TJAP1: variants seen among roughly 807,000 people sequenced by gnomAD.
TJAP1 encodes the protein tight junction associated protein 1.
In TJAP1, 27 loss-of-function variants were observed where a neutral mutation model predicts 42.0. The ratio of observed to expected loss-of-function variants is 0.64; its 90% CI spans 0.47 to 0.89. The LOEUF (loss-of-function observed/expected upper bound fraction) is 0.89, where lower values mean the gene tolerates loss of function less well. TJAP1 is among the 40% of genes least tolerant of loss of function. The pLI is 0.00. For missense variants in TJAP1, 712 were observed against 726.9 expected, an observed-to-expected ratio of 0.98 and a Z score of 0.24; for synonymous variants, 257 against 288.4, an observed-to-expected ratio of 0.89 and a Z score of 1.10.
intron 5 of TJAP1, 74 bp downstream of exon 5, chr6:43,500,846 C>T: frequency 1.9e-6 from 3 of 1,560,788 alleles, no homozygotes; most frequent in Middle Eastern, 1.7e-4. Flanking sequence ...ACTGTTGGTA[C>T]AGTTGGACTT....
rs1788068457 is a variant in TJAP1 at position 43,492,682 on chromosome 6, T to C, written c.-121-5199T>C. Among the ~76,000 whole-genome samples the C allele has an allele frequency of 6.6e-6, 1 of 152,136 alleles. No individual in the cohort carries two copies. The highest frequency in any genetic ancestry group is 2.1e-4 in the South Asian group (1 of 4,824). On this transcript the variant is annotated intron_variant, in intron 2 of 10. Coordinates refer to ENST00000372449, the Ensembl canonical transcript of TJAP1. The surrounding 1 kb of genome is among the most constrained non-coding windows in gnomAD (Gnocchi z 4.2). ...GGGAGTCAGTGGGAGAGGGGCTGTA[T>C]TAATGGTGCAAGGAGTGGGGATCTT...
chr6:43,502,196 G>A (rs934276207), intron 6 of TJAP1, 87 bp from the exon 7 acceptor site: 2 of 1,383,292 alleles, frequency 1.4e-6, no homozygotes, highest in Admixed American at 1.8e-5. Flanking sequence ...AGAATGACAT[G>A]TTCAAGATCC....
chr6:43,498,774 C>T (rs1789831180), intron 3 of TJAP1: 3 of 492,850 alleles, frequency 6.1e-6, no homozygotes, highest in African/African-American at 2.0e-5. Context: ...CCGTTGGACC[C>T]ATGCCCCACC....
At chr6:43,487,384 G>A (rs1786772061) in intron 2 of TJAP1, among the ~76,000 whole-genome samples, 1 of 152,290 alleles carries the variant, frequency 6.6e-6, no homozygotes, top group African/African-American at 2.4e-5. Context: ...GCCCAAGTAG[G>A]GAACTGAATC....
intron 6 of TJAP1, among the ~76,000 whole-genome samples, chr6:43,502,070 A>ACTCTCTCTCT (rs1439125421): frequency 4.8e-5 from 6 of 123,942 alleles, no homozygotes; most frequent in African/African-American, 2.0e-4. Context: ...ACACACACAC[A>ACTCTCTCTCT]CACACACTCT....
At chr6:43,489,158 T>C (rs573219460) in intron 2 of TJAP1, among the ~76,000 whole-genome samples, 1 of 152,346 alleles carries the variant, frequency 6.6e-6, no homozygotes, top group African/African-American at 2.4e-5. Context: ...ATGCCACTGC[T>C]TTTGCCTCAT....
chr6:43,499,236 C>A, intron 4 of TJAP1, 136 bp downstream of exon 4: 1 of 1,361,290 alleles, frequency 7.3e-7, no homozygotes, highest in Non-Finnish European at 1.0e-6. Flanking sequence ...GGCCTGAGGT[C>A]TCCTAGCCGC....
intron 2 of TJAP1, among the ~76,000 whole-genome samples, chr6:43,488,294 G>T (rs545891458): frequency 2.6e-5 from 4 of 152,214 alleles, no homozygotes; most frequent in Admixed American, 6.5e-5. Flanking sequence ...TGTTGGAGCC[G>T]CTGAGGAGCC....
chr6:43,499,415 G>T (rs766742844), intron 4 of TJAP1, among the ~76,000 whole-genome samples: 1 of 152,226 alleles, frequency 6.6e-6, no homozygotes, highest in Non-Finnish European at 1.5e-5. Context: ...GCTAGTGGTT[G>T]GGACTCTGGT....
Position 43,491,289 on chromosome 6 carries a change from G to GT in TJAP1, c.-121-6585dup, listed in dbSNP as rs941728405. ...CCATGTTGACCAGAAATATCTGTTT[G>GT]TTTTTTTGGGTTTTTTTTGAGACAG... On this transcript the variant is annotated intron_variant, in intron 2 of 10. Coordinates refer to ENST00000372449, the Ensembl canonical transcript of TJAP1. The surrounding 1 kb of genome is among the most constrained non-coding windows in gnomAD (Gnocchi z 4.6). Among the ~76,000 whole-genome samples, 4 of 152,042 alleles carry GT rather than the reference G, an allele frequency of 2.6e-5. No homozygotes were observed. Among genetic ancestry groups the GT allele is most frequent in the Admixed American group, 2.0e-4 (3 of 15,260 alleles).
chr6:43,490,224 C>T (rs1390111103), intron 2 of TJAP1, among the ~76,000 whole-genome samples: 3 of 152,264 alleles, frequency 2.0e-5, no homozygotes, highest in Non-Finnish European at 2.9e-5. Context: ...GCCCCCTTCA[C>T]GGCCACCTGC....
intron 2 of TJAP1, among the ~76,000 whole-genome samples, chr6:43,482,184 C>T (rs1417559732): frequency 1.3e-5 from 2 of 152,126 alleles, no homozygotes; most frequent in South Asian, 4.1e-4. Context: ...CTTTGGTAGA[C>T]GTCCTCAAAT....
Position 43,505,514 on chromosome 6 carries a change from CAT to C in TJAP1, c.1334_1335del (p.His445LeufsTer4). ...CGATGCCCTCCCTGAGCTGCAGCGC[CAT>C]TTTGCCCATAGCCCCGCTGACAGAG... is the stretch of plus-strand genomic sequence containing the variant. On this transcript the variant is annotated frameshift_variant, in exon 11 of 11. Transcript: ENST00000372449. LOFTEE classifies it low-confidence loss of function (END_TRUNC). The surrounding 1 kb of genome is among the most constrained non-coding windows in gnomAD (Gnocchi z 5.5). The C allele has an allele frequency of 6.2e-7, 1 of 1,613,950 alleles. No individual in the cohort carries two copies. Among genetic ancestry groups the C allele is most frequent in the Non-Finnish European group, 8.5e-7 (1 of 1,180,036 alleles).
In TJAP1 at chr6:43,505,952, C is replaced by T; in HGVS notation, c.*97C>T. On this transcript the variant is annotated 3_prime_UTR_variant, in exon 11 of 11. Transcript: ENST00000372449. The surrounding 1 kb of genome is among the most constrained non-coding windows in gnomAD (Gnocchi z 5.5). ...TCCCCAGTCCAAGCCCTTGACCTCT[C>T]CTCTATCCAGACCCGCACAGCTGTT... The T allele has an allele frequency of 6.1e-6, 8 of 1,319,176 alleles. No individual in the cohort carries two copies. The highest frequency in any genetic ancestry group is 2.7e-4 in the Middle Eastern group (1 of 3,694). 81.7% of individuals were successfully genotyped at this position (1,319,176 alleles called of 1,614,324 possible).
At chr6:43,489,778 G>T (rs559086984) in intron 2 of TJAP1, 6 of 152,300 alleles carry the variant, frequency 3.9e-5, no homozygotes, top group African/African-American at 1.4e-4. Context: ...GTTTCCGGAT[G>T]GGAGAAAGCC....
intron 9 of TJAP1, 32 bp downstream of exon 9, chr6:43,503,540 A>T (rs1199601267): frequency 6.2e-7 from 1 of 1,610,928 alleles, no homozygotes; most frequent in African/African-American, 1.3e-5. Flanking sequence ...GGCCTTCCTC[A>T]CCTGGGGCTA....
At chr6:43,504,561 A>G (rs1791803864) in intron 10 of TJAP1, 200 bp from the exon 11 acceptor site, 1 of 697,898 alleles carries the variant, frequency 1.4e-6, no homozygotes. Flanking sequence ...AGTTAACCAA[A>G]GCTTTGAGTT....
At chr6:43,504,667 G>A in intron 10 of TJAP1, 94 bp from the exon 11 acceptor site, 1 of 1,461,432 alleles carries the variant, frequency 6.8e-7, no homozygotes, top group East Asian at 2.3e-5. Flanking sequence ...AGTACACAGA[G>A]GTACTTAAAG....
intron 4 of TJAP1, among the ~76,000 whole-genome samples, chr6:43,499,628 C>T (rs924389449): frequency 6.6e-5 from 10 of 152,234 alleles, no homozygotes; most frequent in East Asian, 5.8e-4. Context: ...CTCTGCTCTT[C>T]GGGGCCTATA....
Sources: gnomAD v4.1 joint callset for allele counts (sites outside exome capture counted in the v4.1 genomes callset) on GRCh38, gnomAD v4.1.1 for gene constraint, Gnocchi (gnomAD v3.1) non-coding constraint, MANE v1.5 for transcripts, NCBI Gene and HGNC (gene_info 2026-07-23, HGNC 2026-07-21) for gene names.